DAAM2: variants seen among roughly 807,000 people sequenced by gnomAD.
DAAM2 encodes dishevelled associated activator of morphogenesis 2, also known as disheveled-associated activator of morphogenesis 2.
In DAAM2, 39 loss-of-function variants were observed where a neutral mutation model predicts 120.7. The observed-to-expected ratio is 0.32, with a 90% CI of 0.25 to 0.42. The LOEUF (loss-of-function observed/expected upper bound fraction) is 0.42. Ranked by LOEUF, DAAM2 falls within the 10% of genes least tolerant of loss-of-function variation. The pLI, the probability that DAAM2 is intolerant of heterozygous loss-of-function variation, is 1.00. For missense variants in DAAM2, 1,283 were observed against 1,401.7 expected, an observed-to-expected ratio of 0.92 and a Z score of 1.35; for synonymous variants, 488 against 524.9, an observed-to-expected ratio of 0.93 and a Z score of 0.96.
chr6:39,877,360 C>G (rs71571394), intron 11 of DAAM2, among the ~76,000 whole-genome samples: 1 of 152,186 alleles, frequency 6.6e-6, no homozygotes, highest in Non-Finnish European at 1.5e-5. Context: ...TACCCTACCT[C>G]CCTCCCAACT....
chr6:39,893,020 T>C (rs987301298), intron 19 of DAAM2, among the ~76,000 whole-genome samples: 3 of 152,334 alleles, frequency 2.0e-5, no homozygotes, highest in East Asian at 1.9e-4. Context: ...TTCACAACTT[T>C]CTTTCATCCT....
chr6:39,806,840 C>CAAAAAAA (rs200270782), intron 1 of DAAM2, among the ~76,000 whole-genome samples: 7 of 25,184 alleles, frequency 2.8e-4, no homozygotes, highest in Non-Finnish European at 7.8e-4. Context: ...ATCAGATTGG[C>CAAAAAAA]AAAAAAAAAA....
At chr6:39,845,368 A>AC (rs1763538851) in intron 1 of DAAM2, among the ~76,000 whole-genome samples, 9 of 2,922 alleles carry the variant, frequency 3.1e-3, no homozygotes, top group South Asian at 0.019. Context: ...ACACATGCAC[A>AC]AACATACACA....
intron 19 of DAAM2, 188 bp downstream of exon 19, chr6:39,891,910 A>C: frequency 1.7e-6 from 1 of 598,142 alleles, no homozygotes; most frequent in Non-Finnish European, 3.0e-6. Flanking sequence ...TTATATTAGC[A>C]CATGCGCCAA....
At position 39,904,459 on chromosome 6, in the gene DAAM2, C is replaced by T. The variant is rs767920268; in HGVS notation, c.*2422C>T. 1.3e-5 allele frequency: 6 copies of T among 454,584 alleles called. No individual in the cohort carries two copies. Among genetic ancestry groups the T allele is most frequent in the Non-Finnish European group, 2.6e-5 (6 of 226,962 alleles). The allele number at this position is 454,584 out of a possible 1,614,324, so 28.2% of individuals were successfully genotyped here. On this transcript the variant is annotated 3_prime_UTR_variant, in exon 25 of 25. Coordinates refer to ENST00000274867, the MANE Select transcript of DAAM2 (RefSeq NM_001201427.2). ...TTTCTTGGTCTTGCTTTCTTCATGC[C>T]CTCCCCACTGCTCCTGCCACCTTTA...
chr6:39,806,503 T>A (rs1762012870), intron 1 of DAAM2, among the ~76,000 whole-genome samples: 1 of 152,100 alleles, frequency 6.6e-6, no homozygotes, highest in Non-Finnish European at 1.5e-5. Context: ...AAAAGTGCAT[T>A]CCCCACATTG....
At chr6:39,884,303 C>T in intron 15 of DAAM2, 1 of 477,258 alleles carries the variant, frequency 2.1e-6, no homozygotes, top group Non-Finnish European at 3.8e-6. Flanking sequence ...AGTAGAGGTG[C>T]ACAGACCATA....
At chr6:39,857,892 A>C (rs1285810181) in intron 2 of DAAM2, among the ~76,000 whole-genome samples, 2 of 152,056 alleles carry the variant, frequency 1.3e-5, no homozygotes, top group African/African-American at 2.4e-5. Context: ...GTGAAAGCCT[A>C]GTAGGGAAGA....
chr6:39,868,564 T>G, intron 6 of DAAM2: 1 of 486,814 alleles, frequency 2.1e-6, no homozygotes, highest in East Asian at 3.4e-5. Context: ...ACTGAAGCAC[T>G]GCTCAACCAT....
At position 39,878,585 on chromosome 6, in the gene DAAM2, C is replaced by T; in HGVS notation, c.1542C>T (p.Leu514=). 1.9e-6 allele frequency: 3 copies of T among 1,602,168 alleles called. No homozygotes were observed. The South Asian group carries it at 3.4e-5, about 18-fold the overall frequency. ...AGCTGGTAGCCCAGCTCAGTGAACT[C>T]TCAGTATGCAAGCATCTCCCCCTTT... The part of the protein sequence containing the change: ...VAELVAQLSE[L]STGPVSSPPP... Residue 514 remains leucine, a synonymous_variant, in exon 13 of 25, where the codon CTC becomes CTT. Transcript: ENST00000274867. This position sits in a 1 kb window ranked among gnomAD's most constrained non-coding sequence, Gnocchi z 5.0.
rs112473099 is a variant in DAAM2 at position 39,901,542 on chromosome 6, G to A, written c.2982+70G>A. On this transcript the variant is annotated intron_variant, in intron 24 of 24. Transcript: ENST00000274867. The surrounding 1 kb of genome is among the most constrained non-coding windows in gnomAD (Gnocchi z 4.5). ...ACTTGGGGAGAACACCCCCAAACTG[G>A]GGTGTGTGGGAGGAGGGCAGAGACT... is the stretch of plus-strand genomic sequence containing the variant. 249 of 1,514,510 alleles carry A rather than the reference G, an allele frequency of 1.6e-4. No homozygotes were observed. In the African/African-American group the frequency reaches 2.6e-3, roughly 16 times the overall value. 93.8% of individuals were successfully genotyped at this position (1,514,510 alleles called of 1,614,324 possible).
At chr6:39,900,233 C>A in intron 23 of DAAM2, 25 bp downstream of exon 23, 1 of 1,605,368 alleles carries the variant, frequency 6.2e-7, no homozygotes, top group Non-Finnish European at 8.5e-7. Context: ...ACCCCCACTG[C>A]TTGCCAACCC....
chr6:39,816,628 C>T (rs1196147657), intron 1 of DAAM2, among the ~76,000 whole-genome samples: 1 of 152,208 alleles, frequency 6.6e-6, no homozygotes, highest in Non-Finnish European at 1.5e-5. Context: ...TCCATTATAT[C>T]TTATTCTACC....
chr6:39,843,151 C>G (rs960402978), intron 1 of DAAM2, among the ~76,000 whole-genome samples: 2 of 152,080 alleles, frequency 1.3e-5, no homozygotes, highest in African/African-American at 4.8e-5. Flanking sequence ...TCCTTTAGCT[C>G]TTATCAAGTT....
intron 1 of DAAM2, among the ~76,000 whole-genome samples, chr6:39,817,734 G>C (rs1314130541): frequency 6.6e-6 from 1 of 152,200 alleles, no homozygotes; most frequent in Non-Finnish European, 1.5e-5. Context: ...AAGACTGAAG[G>C]CAGTCTAGGG....
chr6:39,848,030 G>C (rs1178913447), intron 1 of DAAM2, among the ~76,000 whole-genome samples: 2 of 152,112 alleles, frequency 1.3e-5, no homozygotes, highest in African/African-American at 2.4e-5. Context: ...CATTCATCTG[G>C]GCTGTCGTTG....
chr6:39,833,688 T>C (rs1562012995), intron 1 of DAAM2, among the ~76,000 whole-genome samples: 3 of 152,156 alleles, frequency 2.0e-5, no homozygotes, highest in Admixed American at 6.5e-5. Flanking sequence ...CTATGCACCA[T>C]TTTGTTCTGG....
intron 1 of DAAM2, among the ~76,000 whole-genome samples, chr6:39,827,934 G>A (rs1014466950): frequency 1.3e-5 from 2 of 152,016 alleles, no homozygotes; most frequent in African/African-American, 2.4e-5. Context: ...CCTGGGGAAC[G>A]CCTCGCTGTC....
At chr6:39,804,882 G>C (rs1761965240) in intron 1 of DAAM2, among the ~76,000 whole-genome samples, 1 of 152,150 alleles carries the variant, frequency 6.6e-6, no homozygotes, top group Non-Finnish European at 1.5e-5. Context: ...GAAGCTGCCT[G>C]GTATGAGACA....
Sources: gnomAD v4.1 joint callset for allele counts (sites outside exome capture counted in the v4.1 genomes callset) on GRCh38, gnomAD v4.1.1 for gene constraint, Gnocchi (gnomAD v3.1) non-coding constraint, MANE v1.5 for transcripts, NCBI Gene and HGNC (gene_info 2026-07-23, HGNC 2026-07-21) for gene names.